Variants in MYO16 observed in about 807,000 individuals in gnomAD.
MYO16 encodes the protein myosin XVI.
MYO16 carries 94 observed loss-of-function variants against 205.3 expected under a neutral mutation model. The observed-to-expected ratio is 0.46, with a 90% CI of 0.39 to 0.54. MYO16 has a LOEUF of 0.54. MYO16 is among the 20% of genes least tolerant of loss of function. The pLI is 0.00. For synonymous variants in MYO16, 988 were observed against 954.0 expected (o/e 1.04, Z -0.66); for missense variants, 2,315 against 2,387.5 (o/e 0.97, Z 0.63).
chr13:108,803,175 G>A (rs1386728166), intron 6 of MYO16, among the ~76,000 whole-genome samples: 2 of 152,196 alleles, frequency 1.3e-5, no homozygotes, highest in Non-Finnish European at 2.9e-5. Flanking sequence ...GTGTTTTGCT[G>A]TTGAAACCAG....
intron 1 of MYO16, among the ~76,000 whole-genome samples, chr13:108,631,079 A>C (rs1348319752): frequency 2.0e-5 from 3 of 152,286 alleles, no homozygotes; most frequent in East Asian, 3.9e-4. Context: ...CTTCTGCTTT[A>C]ATCTGTTAAC....
Position 109,019,915 on chromosome 13 carries a change from A to G in MYO16, c.2796+4A>G. 1 of 1,613,972 alleles carries G rather than the reference A, an allele frequency of 6.2e-7. No individual in the cohort carries two copies. Among genetic ancestry groups the G allele is most frequent in the South Asian group, 1.1e-5 (1 of 91,034 alleles). ...CATCATGCACTACGCAGGAAGGGTA[A>G]GTGGCCAGAACTGCATAATTTTTCA... On this transcript the variant is annotated splice_donor_region_variant and intron_variant, in intron 23 of 34. Transcript: ENST00000457511.
upstream of MYO16, among the ~76,000 whole-genome samples, chr13:108,626,888 T>C (rs1219725809): frequency 3.4e-5 from 5 of 146,732 alleles, no homozygotes; most frequent in Admixed American, 1.4e-4. Flanking sequence ...ATGTATATTT[T>C]ATGTATATAT....
intron 23 of MYO16, among the ~76,000 whole-genome samples, chr13:109,042,724 G>A (rs149065966): frequency 1.2e-3 from 182 of 152,226 alleles, no homozygotes; most frequent in African/African-American, 4.0e-3. Flanking sequence ...TAAAGTTGGA[G>A]GGCCCTTAGG....
At chr13:108,661,635 T>C (rs771980658) in intron 1 of MYO16, among the ~76,000 whole-genome samples, 2 of 152,186 alleles carry the variant, frequency 1.3e-5, no homozygotes, top group Non-Finnish European at 2.9e-5. Flanking sequence ...CCCAAATGTT[T>C]GATTGTTTTT....
upstream of MYO16, among the ~76,000 whole-genome samples, chr13:108,591,454 A>T (rs1053645464): frequency 3.9e-5 from 6 of 152,162 alleles, no homozygotes; most frequent in Non-Finnish European, 8.8e-5. Flanking sequence ...ATAAAAAAAA[A>T]AAGTCAGGCT....
At chr13:108,884,575 C>T (rs573264659) in intron 13 of MYO16, among the ~76,000 whole-genome samples, 17 of 152,178 alleles carry the variant, frequency 1.1e-4, no homozygotes, top group East Asian at 7.8e-4. Flanking sequence ...ATGAGAAAGA[C>T]GCCGAGACAG....
intron 22 of MYO16, among the ~76,000 whole-genome samples, chr13:109,017,241 T>A (rs1421851244): frequency 6.6e-6 from 1 of 152,232 alleles, no homozygotes; most frequent in African/African-American, 2.4e-5. Flanking sequence ...TTTGGCTGGA[T>A]GTGAAATTCT....
At chr13:108,918,954 C>A (rs1169006371) in intron 16 of MYO16, among the ~76,000 whole-genome samples, 110 of 139,786 alleles carry the variant, frequency 7.9e-4, no homozygotes, top group East Asian at 1.3e-3. Flanking sequence ...GAAAACAGAA[C>A]AAAAAAAAAA....
the MYO16 span, among the ~76,000 whole-genome samples, chr13:108,580,838 A>G: frequency 6.6e-6 from 1 of 152,244 alleles, no homozygotes; most frequent in African/African-American, 2.4e-5. Context: ...GAAAACTTCC[A>G]GAGTAGCTGC....
At chr13:108,550,270 G>A in the MYO16 span, among the ~76,000 whole-genome samples, 5 of 152,246 alleles carry the variant, frequency 3.3e-5, no homozygotes, top group Admixed American at 1.3e-4. Flanking sequence ...TGGAAAGAAC[G>A]ACAACCTTTG....
At chr13:108,875,003 C>A (rs943361094) in intron 12 of MYO16, among the ~76,000 whole-genome samples, 4 of 152,034 alleles carry the variant, frequency 2.6e-5, no homozygotes, top group Admixed American at 6.6e-5. Context: ...ATTAACATGG[C>A]AGGATTCTGC....
chr13:108,962,503 T>A lies in MYO16; in HGVS notation c.2227+8T>A. On this transcript the variant is annotated splice_region_variant and intron_variant, in intron 19 of 34. Transcript: ENST00000457511. ...ATATTCAATATTTTAAAGGTAATTT[T>A]TTTATGCTCTAACATCTTTGTGCAA... 1 of 1,547,340 alleles carries A rather than the reference T, an allele frequency of 6.5e-7. No individual in the cohort carries two copies. The highest frequency in any genetic ancestry group is 8.8e-7 in the Non-Finnish European group (1 of 1,138,844).
intron 1 of MYO16, among the ~76,000 whole-genome samples, chr13:108,630,454 C>A (rs1347565733): frequency 6.6e-6 from 1 of 152,144 alleles, no homozygotes; most frequent in Non-Finnish European, 1.5e-5. Context: ...TAGTTTGTCA[C>A]CAGGTTCTCT....
chr13:108,731,971 A>G (rs924420421), intron 4 of MYO16, among the ~76,000 whole-genome samples: 10 of 152,248 alleles, frequency 6.6e-5, no homozygotes, highest in Non-Finnish European at 1.0e-4. Flanking sequence ...GAGTAGCTGT[A>G]TTCATACCGT....
chr13:108,935,036 A>G (rs1199116264), intron 16 of MYO16, among the ~76,000 whole-genome samples: 1 of 152,166 alleles, frequency 6.6e-6, no homozygotes, highest in Non-Finnish European at 1.5e-5. Context: ...CTTAGAGTAT[A>G]GTATGAACTT....
chr13:108,557,154 T>C, the MYO16 span, among the ~76,000 whole-genome samples: 5 of 152,340 alleles, frequency 3.3e-5, no homozygotes, highest in Middle Eastern at 3.4e-3. Context: ...GATTGTGTTT[T>C]CTATTTCTAT....
In MYO16 at chr13:108,829,736, A is replaced by T. The variant is rs1056391318; in HGVS notation, c.1097+6458A>T. On this transcript the variant is annotated intron_variant, in intron 9 of 34. Transcript: ENST00000457511. The stretch of plus-strand genomic sequence containing the variant: ...CTCAGCCAAGTGACTCTTGGGGAGG[A>T]GAAATACCCCATGGGGATTTTTGAA... 2.0e-5 allele frequency among the ~76,000 whole-genome samples: 3 copies of T among 152,274 alleles called. No individual in the cohort carries two copies. The East Asian group carries it at 5.8e-4, about 29-fold the overall frequency.
At chr13:109,018,747 A>G (rs1885918658) in intron 22 of MYO16, among the ~76,000 whole-genome samples, 1 of 152,180 alleles carries the variant, frequency 6.6e-6, no homozygotes, top group African/African-American at 2.4e-5. Flanking sequence ...TGGCTAGGAA[A>G]GGGAAATCCC....
Sources: gnomAD v4.1 joint callset for allele counts (sites outside exome capture counted in the v4.1 genomes callset) on GRCh38, gnomAD v4.1.1 for gene constraint, MANE v1.5 for transcripts, NCBI Gene and HGNC (gene_info 2026-07-23, HGNC 2026-07-21) for gene names.